Variants in CD47 observed in about 807,000 individuals in gnomAD.
CD47 encodes CD47 molecule, also known as leukocyte surface antigen CD47.
Under a neutral mutation model 44.6 loss-of-function variants are expected in CD47, and 11 were observed. The observed-to-expected ratio is 0.25, with a 90% CI of 0.16 to 0.41. The LOEUF is 0.41. Ranked by LOEUF, CD47 falls within the 10% of genes least tolerant of loss-of-function variation. CD47 has a pLI of 1.00. For synonymous variants in CD47, 140 were observed against 136.3 expected (o/e 1.03, Z -0.19); for missense variants, 306 against 386.7 (o/e 0.79, Z 1.75).
At chr3:108,086,963 G>T (rs1178390313) in intron 1 of CD47, among the ~76,000 whole-genome samples, 2 of 152,140 alleles carry the variant, frequency 1.3e-5, no homozygotes, top group African/African-American at 2.4e-5. Flanking sequence ...TGAGACGAAG[G>T]TTATCTAAGA....
intron 4 of CD47, 41 bp downstream of exon 4, chr3:108,060,704 A>T (rs780007465): frequency 2.3e-6 from 3 of 1,333,152 alleles, no homozygotes; most frequent in East Asian, 2.3e-5. Context: ...GAATGCACTC[A>T]TCTACCTCCT....
chr3:108,075,693 T>C (rs1195228029), intron 2 of CD47, among the ~76,000 whole-genome samples: 1 of 152,230 alleles, frequency 6.6e-6, no homozygotes, highest in Non-Finnish European at 1.5e-5. Context: ...GTATTGGATT[T>C]CATTTTCATG....
chr3:108,046,023 A>T lies in CD47; in HGVS notation c.*1265T>A, dbSNP rs2078717467. The T allele has an allele frequency of 6.6e-6, 1 of 152,246 alleles. No homozygotes were observed. The highest frequency in any genetic ancestry group is 6.5e-5 in the Admixed American group (1 of 15,286). The allele number at this position is 152,246 out of a possible 1,614,324, so 9.4% of individuals were successfully genotyped here. On this transcript the variant is annotated 3_prime_UTR_variant, in exon 11 of 11. Transcript: ENST00000361309. Reference sequence around the variant, plus strand: ...CTCATACGTATGCACATACAAACACACATCCACAAACAGGTAAAAAACGAA... The same window carrying T: ...CTCATACGTATGCACATACAAACACTCATCCACAAACAGGTAAAAAACGAA...
At chr3:108,060,892 CA>C (rs751228184) in intron 3 of CD47, 40 bp from the exon 4 acceptor site, 24 of 1,290,768 alleles carry the variant, frequency 1.9e-5, no homozygotes, top group Middle Eastern at 1.8e-4. Flanking sequence ...AACTCAATCA[CA>C]AGTGAAGCCA....
chr3:108,048,679 C>T (rs888561804), intron 10 of CD47, among the ~76,000 whole-genome samples: 8 of 151,848 alleles, frequency 5.3e-5, no homozygotes, highest in Non-Finnish European at 7.4e-5. Context: ...CCACCGCGCC[C>T]GGCCGACTGG....
rs2078935165 is a variant in CD47 at position 108,057,704 on chromosome 3, TAACCAGTA to T, written c.785-143_785-136del. 6 of 505,392 alleles carry T rather than the reference TAACCAGTA, an allele frequency of 1.2e-5. No homozygotes were observed. The East Asian group carries it at 2.1e-4, about 17-fold the overall frequency. The allele number at this position is 505,392 out of a possible 1,614,324, so 31.3% of individuals were successfully genotyped here. ...AATTATCCATATATGTTTATTAACT[TAACCAGTA>T]AAATGACTCAAAATTATTAGAAGAA... On this transcript the variant is annotated intron_variant, in intron 6 of 10. Transcript: ENST00000361309.
chr3:108,053,028 A>C (rs1338888791), intron 7 of CD47: 2 of 152,344 alleles, frequency 1.3e-5, no homozygotes, highest in East Asian at 3.8e-4. Context: ...CAGATGGAAA[A>C]GCGTTGAACA....
intron 1 of CD47, among the ~76,000 whole-genome samples, chr3:108,080,828 G>A (rs1030091440): frequency 1.7e-4 from 26 of 151,652 alleles, no homozygotes; most frequent in Non-Finnish European, 3.8e-4. Context: ...TCCTTATGCT[G>A]CATTTCCAAA....
chr3:108,052,079 CAGAGATGTTAATGAA>C, intron 7 of CD47, 109 bp from the exon 8 acceptor site: 1 of 583,202 alleles, frequency 1.7e-6, no homozygotes, highest in Non-Finnish European at 3.1e-6. Context: ...CTAAAGGTGC[CAGAGATGTTAATGAA>C]AGAGTTCCAG....
chr3:108,058,978 A>G (rs2078965511), intron 5 of CD47, among the ~76,000 whole-genome samples: 1 of 152,198 alleles, frequency 6.6e-6, no homozygotes, highest in Admixed American at 6.5e-5. Context: ...TACTGATTAT[A>G]GTTTGGATTT....
chr3:108,050,663 T>A (rs552709552), intron 8 of CD47, 61 bp from the exon 9 acceptor site: 7 of 613,252 alleles, frequency 1.1e-5, no homozygotes, highest in Admixed American at 3.1e-5. Context: ...CATTTTATAG[T>A]AAAACTTATA....
At chr3:108,089,744 A>C (rs902650043) in intron 1 of CD47, among the ~76,000 whole-genome samples, 1 of 152,174 alleles carries the variant, frequency 6.6e-6, no homozygotes, top group Non-Finnish European at 1.5e-5. Flanking sequence ...CTAAAGTCAC[A>C]AGCCTTTAGG....
chr3:108,062,489 T>C (rs2079031237), intron 3 of CD47, among the ~76,000 whole-genome samples: 1 of 152,132 alleles, frequency 6.6e-6, no homozygotes, highest in African/African-American at 2.4e-5. Flanking sequence ...CACCTCACAG[T>C]CAATCAAACA....
At chr3:108,047,325 A>T in intron 10 of CD47, 33 bp from the exon 11 acceptor site, 1 of 1,556,676 alleles carries the variant, frequency 6.4e-7, no homozygotes, top group Non-Finnish European at 8.8e-7. Context: ...CATAATCACT[A>T]TTCGTGTCTA....
At chr3:108,056,696 G>A (rs1312978092) in intron 7 of CD47, among the ~76,000 whole-genome samples, 1 of 151,956 alleles carries the variant, frequency 6.6e-6, no homozygotes. Context: ...GGAACATCTT[G>A]AGCTTAGGTA....
At chr3:108,058,035 G>A (rs907059018) in intron 6 of CD47, among the ~76,000 whole-genome samples, 2 of 152,142 alleles carry the variant, frequency 1.3e-5, no homozygotes, top group African/African-American at 4.8e-5. Context: ...TTTATTGGTG[G>A]TGATAATACA....
At chr3:108,068,468 C>G (rs56978732) in intron 3 of CD47, among the ~76,000 whole-genome samples, 5,767 of 152,236 alleles carry the variant, frequency 0.038, 128 homozygotes, top group African/African-American at 0.064. Flanking sequence ...ACATTCTGCT[C>G]TCCTAATAAG....
chr3:108,057,350 T>C, intron 7 of CD47, 127 bp downstream of exon 7: 1 of 554,598 alleles, frequency 1.8e-6, no homozygotes. Flanking sequence ...TCTTTAATTA[T>C]CCTCGAATCA....
intron 1 of CD47, among the ~76,000 whole-genome samples, chr3:108,086,435 A>G (rs1244118636): frequency 2.6e-5 from 4 of 152,154 alleles, no homozygotes; most frequent in Admixed American, 2.0e-4. Context: ...TAAAGAGGGG[A>G]AAATTAAAAT....
Sources: gnomAD v4.1 joint callset for allele counts (sites outside exome capture counted in the v4.1 genomes callset) on GRCh38, gnomAD v4.1.1 for gene constraint, MANE v1.5 for transcripts, NCBI Gene and HGNC (gene_info 2026-07-23, HGNC 2026-07-21) for gene names.